Variants in SYNE1 observed in about 807,000 individuals in gnomAD.
SYNE1 encodes the protein spectrin repeat containing nuclear envelope protein 1, also known as nesprin-1.
A neutral mutation model predicts 1,111.0 loss-of-function variants in SYNE1; 616 were observed. That is an observed-to-expected ratio of 0.55 (90% CI 0.52 to 0.59). The LOEUF is 0.59. Ranked by LOEUF, SYNE1 falls within the 20% of genes least tolerant of loss-of-function variation. The pLI is 0.00. For synonymous variants in SYNE1, 3,855 were observed against 3,825.8 expected (o/e 1.01, Z -0.28); for missense variants, 10,006 against 10,417.0 (o/e 0.96, Z 1.72).
At chr6:152,254,545 C>T (rs1004966216) in intron 104 of SYNE1, among the ~76,000 whole-genome samples, 44 of 152,136 alleles carry the variant, frequency 2.9e-4, no homozygotes, top group African/African-American at 9.2e-4. Flanking sequence ...CCACTGTGCC[C>T]GGCCATTTTC....
At chr6:152,311,094 G>T (rs2095532225) in intron 87 of SYNE1, 2 of 587,160 alleles carry the variant, frequency 3.4e-6, no homozygotes, top group Admixed American at 5.4e-5. Context: ...ATGTGCAGAG[G>T]TCACATGTCA....
chr6:152,513,626 G>A (rs1374474073), intron 6 of SYNE1, among the ~76,000 whole-genome samples: 6 of 152,234 alleles, frequency 3.9e-5, no homozygotes, highest in East Asian at 3.9e-4. Flanking sequence ...GAGCCACCAC[G>A]CTGGGCCCAG....
intron 114 of SYNE1, 79 bp downstream of exon 114, chr6:152,231,312 G>A: frequency 1.3e-6 from 2 of 1,517,298 alleles, no homozygotes; most frequent in South Asian, 2.3e-5. Context: ...CGCTACTTGT[G>A]AACCCAGTCT....
At chr6:152,635,348 G>C (rs1048313861) in intron 2 of SYNE1, among the ~76,000 whole-genome samples, 2 of 152,144 alleles carry the variant, frequency 1.3e-5, no homozygotes, top group African/African-American at 4.8e-5. Context: ...TTAATCTTCA[G>C]CATGAAACAT....
chr6:152,321,666 C>T, intron 83 of SYNE1, 55 bp downstream of exon 83: 1 of 1,604,558 alleles, frequency 6.2e-7, no homozygotes, highest in Non-Finnish European at 8.5e-7. Context: ...CAACTAAAAT[C>T]AGGGCAATTG....
chr6:152,428,576 G>A (rs553221440), intron 36 of SYNE1, among the ~76,000 whole-genome samples, 184 bp from the exon 37 acceptor site: 1 of 152,242 alleles, frequency 6.6e-6, no homozygotes, highest in South Asian at 2.1e-4. Flanking sequence ...AGATTAGTAG[G>A]GGGACTATAG....
At chr6:152,276,031 T>C (rs1479673565) in intron 98 of SYNE1, among the ~76,000 whole-genome samples, 1 of 48,296 alleles carries the variant, frequency 2.1e-5, no homozygotes, top group Non-Finnish European at 3.5e-5. Context: ...TCTCGACTTC[T>C]TTTTTTTTTT....
At chr6:152,288,483 G>T (rs1177139639) in intron 95 of SYNE1, among the ~76,000 whole-genome samples, 1 of 152,210 alleles carries the variant, frequency 6.6e-6, no homozygotes, top group Non-Finnish European at 1.5e-5. Flanking sequence ...TTCTTAAATA[G>T]CTCTCTGAAT....
chr6:152,344,368 A>G, intron 73 of SYNE1, 141 bp from the exon 74 acceptor site: 1 of 1,315,982 alleles, frequency 7.6e-7, no homozygotes, highest in Non-Finnish European at 1.1e-6. Flanking sequence ...TATCTAAGGC[A>G]GTTGTATGTC....
intron 95 of SYNE1, among the ~76,000 whole-genome samples, chr6:152,287,555 T>C (rs1478142763): frequency 3.3e-5 from 5 of 152,204 alleles, no homozygotes; most frequent in African/African-American, 1.2e-4. Context: ...ATTATTATTA[T>C]TACTATTTTT....
intron 93 of SYNE1, among the ~76,000 whole-genome samples, chr6:152,295,252 C>T (rs1285913714): frequency 1.3e-5 from 2 of 152,184 alleles, no homozygotes; most frequent in Admixed American, 1.3e-4. Context: ...ATGACAGCTT[C>T]TACCCATTTT....
chr6:152,375,296 TAA>T (rs1322269038), intron 58 of SYNE1, among the ~76,000 whole-genome samples: 3 of 152,172 alleles, frequency 2.0e-5, no homozygotes, highest in Admixed American at 2.0e-4. Context: ...CCTGTTATAT[TAA>T]GTTATTAACC....
intron 107 of SYNE1, among the ~76,000 whole-genome samples, chr6:152,241,325 CA>C (rs200548252): frequency 6.6e-6 from 1 of 151,334 alleles, no homozygotes; most frequent in East Asian, 1.9e-4. Flanking sequence ...TTGAAAAAGA[CA>C]AAAAAAACCC....
chr6:152,580,954 TGG>T (rs1283242442), intron 3 of SYNE1, among the ~76,000 whole-genome samples: 1 of 152,260 alleles, frequency 6.6e-6, no homozygotes, highest in Non-Finnish European at 1.5e-5. Flanking sequence ...TGGCATTCAT[TGG>T]GCTACATCTG....
intron 127 of SYNE1, among the ~76,000 whole-genome samples, chr6:152,198,452 C>T (rs939262284): frequency 6.6e-6 from 1 of 152,190 alleles, no homozygotes; most frequent in Non-Finnish European, 1.5e-5. Context: ...TGGAGTATTA[C>T]TTTTAATTTC....
chr6:152,366,723 T>C (rs1388641658), intron 62 of SYNE1, among the ~76,000 whole-genome samples: 7 of 152,192 alleles, frequency 4.6e-5, no homozygotes. Context: ...TATTCACCTT[T>C]GATTCCTTGG....
At chr6:152,155,613 C>T (rs185251065) in intron 132 of SYNE1, among the ~76,000 whole-genome samples, 9 of 152,192 alleles carry the variant, frequency 5.9e-5, no homozygotes, top group Non-Finnish European at 7.4e-5. Context: ...AAGAATGTTA[C>T]TGTTCTCACA....
intron 67 of SYNE1, among the ~76,000 whole-genome samples, chr6:152,353,996 C>T (rs549464826): frequency 2.0e-5 from 3 of 152,008 alleles, no homozygotes; most frequent in Non-Finnish European, 2.9e-5. Flanking sequence ...GAAAACAGGC[C>T]AGGTGCGGTG....
At position 152,220,963 on chromosome 6, in the gene SYNE1, T is replaced by C. The variant is rs1332218909; in HGVS notation, c.21740A>G (p.Tyr7247Cys). 3 of 1,614,006 alleles carry C rather than the reference T, an allele frequency of 1.9e-6. No homozygotes were observed. In the African/African-American group the frequency reaches 4.0e-5, roughly 22 times the overall value. ...AACTGTCGAAGCACACTGTTTGGAG[T>C]AGTCCTTGTATCTTTGCCAAAGCTG... is the stretch of plus-strand genomic sequence containing the variant. ...LLQLWQRYKD[Y>C]SKQCASTVQQ... Residue 7247 changes from tyrosine (Y) to cysteine (C), a missense_variant, in exon 119 of 146, where the codon TAC becomes TGC. Physicochemically the swap from Tyr to Cys is radical, Grantham distance 194. Transcript: ENST00000367255.
Sources: gnomAD v4.1 joint callset for allele counts (sites outside exome capture counted in the v4.1 genomes callset) on GRCh38, gnomAD v4.1.1 for gene constraint, MANE v1.5 for transcripts, NCBI Gene and HGNC (gene_info 2026-07-23, HGNC 2026-07-21) for gene names.